AK5: variants seen among roughly 807,000 people sequenced by gnomAD.
The protein encoded by AK5 is adenylate kinase 5, also known as adenylate kinase isoenzyme 5.
In AK5, 27 loss-of-function variants were observed where a neutral mutation model predicts 69.5. That is an observed-to-expected ratio of 0.39 (90% confidence interval 0.29 to 0.54). The LOEUF (loss-of-function observed/expected upper bound fraction) is 0.54, where lower values mean the gene tolerates loss of function less well. AK5 is among the 20% of genes least tolerant of loss of function. The pLI, the probability that AK5 is intolerant of heterozygous loss-of-function variation, is 0.71. For missense variants in AK5, 531 were observed against 700.4 expected (o/e 0.76, Z 2.73); for synonymous variants, 260 against 244.4 (o/e 1.06, Z -0.60).
chr1:77,525,161 G>A (rs1424245576), intron 12 of AK5, among the ~76,000 whole-genome samples: 1 of 152,140 alleles, frequency 6.6e-6, no homozygotes, highest in East Asian at 1.9e-4. Context: ...CGCCTGCCTT[G>A]GCCTCCCAAA....
At position 77,312,022 on chromosome 1, in the gene AK5, G is replaced by T. The variant is rs961028494; in HGVS notation, c.699+14075G>T. On this transcript the variant is annotated intron_variant, in intron 5 of 13. Coordinates refer to ENST00000354567, the MANE Select transcript of AK5 (RefSeq NM_174858.3). Reference sequence around the variant, plus strand: ...CCCCTACAGCTCCTGAAGCAAAAAAGAAATAATAATTCGTTATTTTCGGCC... The same window carrying T: ...CCCCTACAGCTCCTGAAGCAAAAAATAAATAATAATTCGTTATTTTCGGCC... Among the ~76,000 whole-genome samples, 6 of 152,048 alleles carry T rather than the reference G, an allele frequency of 3.9e-5. No individual in the cohort carries two copies. In the South Asian group the frequency reaches 1.2e-3, roughly 32 times the overall value.
rs1319481470 is a variant in AK5 at position 77,411,052 on chromosome 1, A to G, written c.963A>G (p.Pro321=). ...TGGCAGTTGACAACAAGTTATTTCCAAACAAAGAGGCTGCAGCAGGTAAGT... is the reference window on the plus strand; with the variant it reads ...TGGCAGTTGACAACAAGTTATTTCCGAACAAAGAGGCTGCAGCAGGTAAGT... The part of the protein sequence containing the change: ...ISMAVDNKLF[P]NKEAAAGSSD... The change falls in exon 7 of 14, where the codon CCA becomes CCG. Residue 321 remains proline, a synonymous_variant. Coordinates refer to ENST00000354567, the MANE Select transcript of AK5 (RefSeq NM_174858.3). 6.2e-7 allele frequency: 1 copy of G among 1,613,750 alleles called. No individual in the cohort carries two copies. The highest frequency in any genetic ancestry group is 1.3e-5 in the African/African-American group (1 of 75,050).
chr1:77,329,398 G>A (rs901965851), intron 5 of AK5, among the ~76,000 whole-genome samples: 6 of 152,154 alleles, frequency 3.9e-5, no homozygotes, highest in African/African-American at 7.2e-5. Flanking sequence ...CATTTCCAGA[G>A]ATTCTGGTTC....
chr1:77,400,932 T>C (rs1296850866), intron 6 of AK5, among the ~76,000 whole-genome samples: 1 of 29,798 alleles, frequency 3.4e-5, no homozygotes, highest in East Asian at 6.6e-4. Context: ...TTTCATTCTG[T>C]TAAAAAAAAA....
intron 8 of AK5, among the ~76,000 whole-genome samples, chr1:77,478,036 G>A (rs1655054098): frequency 6.6e-6 from 1 of 152,184 alleles, no homozygotes; most frequent in Non-Finnish European, 1.5e-5. Flanking sequence ...GTAAGAGGAT[G>A]CTGCTGAGGA....
In AK5 at chr1:77,559,449, T is replaced by C. The variant is rs1383995023; in HGVS notation, c.*779T>C. 1 of 152,196 alleles carries C rather than the reference T, an allele frequency of 6.6e-6. No homozygotes were observed. The highest frequency in any genetic ancestry group is 1.5e-5 in the Non-Finnish European group (1 of 68,032). 9.4% of individuals were successfully genotyped at this position (152,196 alleles called of 1,614,324 possible). On this transcript the variant is annotated 3_prime_UTR_variant, in exon 14 of 14. Transcript: ENST00000354567. ...GCATTTCAGCAATTATAAATTAATATAAATGACCAAAAGTAACTTAAAAGC... is the reference window on the plus strand; with the variant it reads ...GCATTTCAGCAATTATAAATTAATACAAATGACCAAAAGTAACTTAAAAGC...
chr1:77,556,837 AT>A (rs1660128495), intron 13 of AK5, among the ~76,000 whole-genome samples: 1 of 152,140 alleles, frequency 6.6e-6, no homozygotes, highest in Non-Finnish European at 1.5e-5. Flanking sequence ...CATGTGGAGA[AT>A]TTGTTAAATA....
chr1:77,533,366 A>T (rs1438837008), intron 12 of AK5, among the ~76,000 whole-genome samples: 1 of 151,834 alleles, frequency 6.6e-6, no homozygotes, highest in Non-Finnish European at 1.5e-5. Context: ...AAATACAAAA[A>T]TTAGCCGGGT....
intron 8 of AK5, among the ~76,000 whole-genome samples, chr1:77,431,525 G>T (rs1158012887): frequency 2.6e-5 from 4 of 152,146 alleles, no homozygotes; most frequent in Non-Finnish European, 5.9e-5. Flanking sequence ...ATGAGCTGAG[G>T]ATTCTAAGCA....
At chr1:77,335,054 C>G (rs145163624) in intron 5 of AK5, among the ~76,000 whole-genome samples, 1 of 152,174 alleles carries the variant, frequency 6.6e-6, no homozygotes, top group Non-Finnish European at 1.5e-5. Context: ...TTTAGCTTAT[C>G]TGAATTATGG....
chr1:77,410,470 G>T (rs1271967517), intron 6 of AK5, among the ~76,000 whole-genome samples: 1 of 152,010 alleles, frequency 6.6e-6, no homozygotes. Flanking sequence ...AGTAGAGACG[G>T]GGTTTTGCCG....
intron 3 of AK5, 41 bp downstream of exon 3, chr1:77,294,001 C>T: frequency 6.4e-7 from 1 of 1,568,650 alleles, no homozygotes; most frequent in Non-Finnish European, 8.6e-7. Context: ...CCGTTGCTGC[C>T]TTTGTTTATA....
intron 5 of AK5, among the ~76,000 whole-genome samples, chr1:77,335,669 AG>A (rs1210516483): frequency 6.6e-6 from 1 of 152,234 alleles, no homozygotes; most frequent in East Asian, 1.9e-4. Flanking sequence ...TAATGTATGC[AG>A]GGGTTACAAG....
intron 5 of AK5, among the ~76,000 whole-genome samples, chr1:77,309,552 C>T (rs766064195): frequency 6.6e-5 from 10 of 152,200 alleles, no homozygotes; most frequent in Non-Finnish European, 1.0e-4. Context: ...ATCCTTATAA[C>T]GATTTCATGT....
intron 10 of AK5, among the ~76,000 whole-genome samples, chr1:77,491,226 T>G (rs1315503682): frequency 6.6e-6 from 1 of 151,948 alleles, no homozygotes; most frequent in Non-Finnish European, 1.5e-5. Context: ...AAACTCAATA[T>G]TGCAATGCCT....
chr1:77,382,227 A>ATTT (rs11306378), intron 6 of AK5, among the ~76,000 whole-genome samples: 6 of 136,772 alleles, frequency 4.4e-5, no homozygotes, highest in African/African-American at 5.4e-5. Context: ...TAATCTTTTA[A>ATTT]TTTTTTTTTT....
chr1:77,514,970 T>C (rs1243429356), intron 10 of AK5, among the ~76,000 whole-genome samples: 1 of 152,172 alleles, frequency 6.6e-6, no homozygotes, highest in Non-Finnish European at 1.5e-5. Context: ...TTGCACCCCT[T>C]AGTCATTTAC....
chr1:77,448,035 G>A (rs561748735), intron 8 of AK5, among the ~76,000 whole-genome samples: 2 of 152,348 alleles, frequency 1.3e-5, no homozygotes, highest in South Asian at 4.1e-4. Context: ...ATGGAAGGGA[G>A]GCTGACAGGG....
At position 77,423,713 on chromosome 1, in the gene AK5, A is replaced by G. The variant is rs541522398; in HGVS notation, c.1059+5998A>G. On this transcript the variant is annotated intron_variant, in intron 8 of 13. Coordinates refer to ENST00000354567, the MANE Select transcript of AK5 (RefSeq NM_174858.3). ...GGACAATATGAGAGTTAAAAATCCCAGAGAGATCCAGTCATGGGACCCCAC... is the reference window on the plus strand; with the variant it reads ...GGACAATATGAGAGTTAAAAATCCCGGAGAGATCCAGTCATGGGACCCCAC... Among the ~76,000 whole-genome samples, 10 of 152,208 alleles carry G rather than the reference A, an allele frequency of 6.6e-5. No homozygotes were observed. The South Asian group carries it at 2.1e-3, about 32-fold the overall frequency.
Sources: gnomAD v4.1 joint callset for allele counts (sites outside exome capture counted in the v4.1 genomes callset) on GRCh38, gnomAD v4.1.1 for gene constraint, MANE v1.5 for transcripts, NCBI Gene and HGNC (gene_info 2026-07-23, HGNC 2026-07-21) for gene names.